Variants in EVL observed in about 807,000 individuals in gnomAD.
The protein encoded by EVL is ena/VASP-like protein.
A neutral mutation model predicts 59.6 loss-of-function variants in EVL; 21 were observed. The observed-to-expected ratio is 0.35, with a 90% CI of 0.25 to 0.51. The LOEUF (loss-of-function observed/expected upper bound fraction) is 0.51, where lower values mean the gene tolerates loss of function less well. EVL is among the 20% of genes least tolerant of loss of function. The probability of loss-of-function intolerance (pLI) is 0.97; values close to 1 mark genes in which losing one functional copy is unlikely to be tolerated. For missense variants in EVL, 462 were observed against 546.6 expected, an observed-to-expected ratio of 0.85 and a Z score of 1.54; for synonymous variants, 198 against 203.5, an observed-to-expected ratio of 0.97 and a Z score of 0.23.
upstream of EVL, among the ~76,000 whole-genome samples, chr14:100,061,180 C>T (rs1310799312): frequency 6.6e-6 from 1 of 151,852 alleles, no homozygotes; most frequent in Non-Finnish European, 1.5e-5. Context: ...CCCTTGAGAC[C>T]AGGAGTTTGA....
At chr14:100,084,072 G>A (rs1195745817) in intron 1 of EVL, among the ~76,000 whole-genome samples, 3 of 112,498 alleles carry the variant, frequency 2.7e-5, no homozygotes, top group East Asian at 2.3e-4. Flanking sequence ...TTTTTTTTCC[G>A]AGACAGTTTC....
chr14:100,090,986 G>C (rs1274705089), intron 2 of EVL, among the ~76,000 whole-genome samples: 1 of 152,014 alleles, frequency 6.6e-6, no homozygotes, highest in Non-Finnish European at 1.5e-5. Flanking sequence ...AACTATTATA[G>C]TAATATAATA....
chr14:99,995,701 G>T (rs774347351), intron 1 of EVL, among the ~76,000 whole-genome samples: 2 of 151,998 alleles, frequency 1.3e-5, no homozygotes, highest in Non-Finnish European at 2.9e-5. Context: ...TGAAAAAACA[G>T]CACCCCTCCC....
At chr14:100,090,519 T>G (rs1262507416) in intron 2 of EVL, among the ~76,000 whole-genome samples, 4 of 152,224 alleles carry the variant, frequency 2.6e-5, no homozygotes, top group African/African-American at 9.6e-5. Flanking sequence ...TTACAAGTTA[T>G]TATTTCTAAT....
In EVL at chr14:100,130,853, C is replaced by T. The variant is rs913902029; in HGVS notation, c.839+1169C>T. On this transcript the variant is annotated intron_variant, in intron 7 of 13. Coordinates refer to ENST00000392920, the MANE Select transcript of EVL (RefSeq NM_016337.3). This position sits in a 1 kb window ranked among gnomAD's most constrained non-coding sequence, Gnocchi z 4.8. ...CTCCGGAGCCTCTACTGGGCCTGGG[C>T]GTTTGTACATCGCCAAGACAGGAGG... 3.3e-5 allele frequency among the ~76,000 whole-genome samples: 5 copies of T among 152,178 alleles called. No individual in the cohort carries two copies. Among genetic ancestry groups the T allele is most frequent in the African/African-American group, 7.2e-5 (3 of 41,420 alleles).
chr14:100,128,585 C>CA lies in EVL; in HGVS notation c.555dup (p.Pro186ThrfsTer112). On this transcript the variant is annotated frameshift_variant, in exon 6 of 14. Transcript: ENST00000392920. LOFTEE classifies it high-confidence loss of function. ...GCCCCCGTCTCATGTAGTGGGCCTCCACCGCCCCCCCCACCCCCAGTCCCA... is the reference window on the plus strand; with the variant it reads ...GCCCCCGTCTCATGTAGTGGGCCTCCAACCGCCCCCCCCACCCCCAGTCCCA... 6.5e-7 allele frequency: 1 copy of CA among 1,532,034 alleles called. No individual in the cohort carries two copies. Among genetic ancestry groups the CA allele is most frequent in the Non-Finnish European group, 9.0e-7 (1 of 1,113,414 alleles). The allele number at this position is 1,532,034 out of a possible 1,614,324, so 94.9% of individuals were successfully genotyped here. A position where few individuals can be genotyped will look rare whatever the true frequency, so the allele number is the denominator to read the frequency against.
At chr14:100,118,991 A>G (rs1481567010) in intron 3 of EVL, among the ~76,000 whole-genome samples, 2 of 152,210 alleles carry the variant, frequency 1.3e-5, no homozygotes, top group African/African-American at 4.8e-5. Flanking sequence ...GCTGGGTCTC[A>G]GCCTCTGTCC....
At chr14:100,046,671 C>T (rs560715781) in intron 1 of EVL, among the ~76,000 whole-genome samples, 101 of 96,108 alleles carry the variant, frequency 1.1e-3, no homozygotes, top group Admixed American at 2.7e-3. Context: ...TCCTCCCCCG[C>T]GCCGCCAAAA....
chr14:100,080,547 C>T (rs1009166960), intron 1 of EVL, among the ~76,000 whole-genome samples: 6 of 152,176 alleles, frequency 3.9e-5, no homozygotes, highest in Non-Finnish European at 5.9e-5. Context: ...GATAGAAGTG[C>T]AGTCTGAAGC....
chr14:100,069,520 C>T (rs184540361), intron 1 of EVL, among the ~76,000 whole-genome samples: 1 of 152,254 alleles, frequency 6.6e-6, no homozygotes, highest in African/African-American at 2.4e-5. Flanking sequence ...CAGAGAGTCC[C>T]AGAGGCAATT....
intron 3 of EVL, among the ~76,000 whole-genome samples, chr14:100,121,071 G>A (rs1887666891): frequency 6.6e-6 from 1 of 152,166 alleles, no homozygotes; most frequent in Admixed American, 6.5e-5. Context: ...CTGCAGCACG[G>A]GACAGGTGCC....
chr14:99,989,585 C>A (rs1367237135), intron 1 of EVL, among the ~76,000 whole-genome samples: 1 of 152,302 alleles, frequency 6.6e-6, no homozygotes, highest in South Asian at 2.1e-4. Flanking sequence ...TTATAAGGAA[C>A]CCACCCTCAC....
chr14:100,141,003 A>G, intron 11 of EVL, 177 bp from the exon 12 acceptor site: 1 of 565,694 alleles, frequency 1.8e-6, no homozygotes, highest in Admixed American at 3.3e-5. Context: ...AGACCTCTTG[A>G]GGTGGAGACG....
At chr14:99,974,338 C>T (rs2060755334) in intron 1 of EVL, 1 of 152,350 alleles carries the variant, frequency 6.6e-6, no homozygotes, top group Admixed American at 6.5e-5. Context: ...TGTATAATAG[C>T]CATAGCTGGA....
chr14:100,085,520 C>G (rs529799459), intron 2 of EVL, among the ~76,000 whole-genome samples: 81 of 152,300 alleles, frequency 5.3e-4, no homozygotes, highest in African/African-American at 1.9e-3. Flanking sequence ...CCCTCCAACT[C>G]TCTTCTTATA....
intron 1 of EVL, among the ~76,000 whole-genome samples, chr14:99,978,401 C>CAA (rs1424220347): frequency 6.1e-5 from 6 of 98,026 alleles, no homozygotes; most frequent in Admixed American, 3.3e-4. Flanking sequence ...GACTCTGTCT[C>CAA]AAAAAAAAAA....
At chr14:100,122,938 A>G (rs1318052689) in intron 3 of EVL, among the ~76,000 whole-genome samples, 1 of 152,208 alleles carries the variant, frequency 6.6e-6, no homozygotes, top group African/African-American at 2.4e-5. Flanking sequence ...GAGCAAGGGC[A>G]GGGTCTGGCT....
At chr14:100,006,011 C>T (rs2060977205) in intron 1 of EVL, among the ~76,000 whole-genome samples, 1 of 7,112 alleles carries the variant, frequency 1.4e-4, no homozygotes, top group Non-Finnish European at 4.9e-4. Flanking sequence ...TGGCCATTTC[C>T]CCCCCCCCCC....
At chr14:100,080,520 G>T (rs536108888) in intron 1 of EVL, among the ~76,000 whole-genome samples, 12 of 152,306 alleles carry the variant, frequency 7.9e-5, no homozygotes, top group African/African-American at 2.9e-4. Flanking sequence ...GAGTCACATG[G>T]TCTTTCTCCT....
Sources: allele counts gnomAD v4.1 joint callset (sites outside exome capture counted in the v4.1 genomes callset), GRCh38; gene constraint gnomAD v4.1.1; non-coding constraint Gnocchi (gnomAD v3.1); transcripts MANE v1.5; gene names NCBI Gene and HGNC (gene_info 2026-07-23, HGNC 2026-07-21).